Variants in WDR41 observed in about 807,000 individuals in gnomAD.
WDR41 encodes the protein WD repeat-containing protein 41.
In WDR41, 63 loss-of-function variants were observed where a neutral mutation model predicts 69.3. The ratio of observed to expected loss-of-function variants is 0.91; its 90% CI spans 0.74 to 1.12. The LOEUF (loss-of-function observed/expected upper bound fraction) is 1.12, where lower values mean the gene tolerates loss of function less well. WDR41 is among the 50% of genes most tolerant of loss of function. WDR41 has a pLI of 0.00. For synonymous variants in WDR41, 185 were observed against 192.1 expected (o/e 0.96, Z 0.31); for missense variants, 543 against 534.5 (o/e 1.02, Z -0.16).
intron 1 of WDR41, among the ~76,000 whole-genome samples, chr5:77,526,312 T>C (rs1802446170): frequency 6.9e-6 from 1 of 144,672 alleles, no homozygotes; most frequent in Admixed American, 6.9e-5. Flanking sequence ...AAATAAGGAC[T>C]TTTTTTTTTT....
chr5:77,524,877 G>A (rs1802423565), intron 1 of WDR41, among the ~76,000 whole-genome samples: 1 of 152,170 alleles, frequency 6.6e-6, no homozygotes, highest in Admixed American at 6.5e-5. Context: ...AGGCTTTTGT[G>A]TTCATTGAAC....
chr5:77,595,916 T>C (rs962202850), intron 1 of WDR41, among the ~76,000 whole-genome samples: 13 of 152,224 alleles, frequency 8.5e-5, no homozygotes, highest in African/African-American at 2.9e-4. Flanking sequence ...TTTCTTTAAA[T>C]GCCAGTGGTC....
intron 1 of WDR41, among the ~76,000 whole-genome samples, chr5:77,543,998 T>G (rs1348731231): frequency 2.0e-5 from 3 of 152,142 alleles, no homozygotes; most frequent in African/African-American, 7.2e-5. Context: ...TAGGGCCCTA[T>G]CTTCAGCCTC....
intron 1 of WDR41, among the ~76,000 whole-genome samples, chr5:77,511,915 C>G (rs909823433): frequency 1.3e-5 from 2 of 151,902 alleles, no homozygotes; most frequent in Admixed American, 6.6e-5. Flanking sequence ...AAGACACTTC[C>G]TAAATCAGTA....
chr5:77,554,074 G>A (rs1743344602), intron 1 of WDR41, among the ~76,000 whole-genome samples: 1 of 152,184 alleles, frequency 6.6e-6, no homozygotes. Flanking sequence ...GCACAACATG[G>A]AATTCTACTA....
chr5:77,615,397 C>T (rs115482200), intron 1 of WDR41, among the ~76,000 whole-genome samples: 4,045 of 151,996 alleles, frequency 0.027, 186 homozygotes, highest in African/African-American at 0.093. Flanking sequence ...TAATATACTA[C>T]AACAGATTTT....
intron 2 of WDR41, among the ~76,000 whole-genome samples, chr5:77,467,351 G>A (rs1800351585): frequency 6.6e-6 from 1 of 151,944 alleles, no homozygotes; most frequent in Non-Finnish European, 1.5e-5. Flanking sequence ...TTCCGTGCTA[G>A]GAGTTAGGGA....
At position 77,449,783 on chromosome 5, in the gene WDR41, A is replaced by G; in HGVS notation, c.674T>C (p.Ile225Thr). 1 of 1,612,028 alleles carries G rather than the reference A, an allele frequency of 6.2e-7. No homozygotes were observed. The highest frequency in any genetic ancestry group is 1.1e-5 in the South Asian group (1 of 91,018). The change falls in exon 8 of 13, where the codon ATT becomes ACT. Residue 225 changes from isoleucine to threonine, a missense_variant. Physicochemically the swap from Ile to Thr is moderately conservative, Grantham distance 89. Transcript: ENST00000296679. ...ACCATTGACATTAATCAATGAGAGA[A>G]TATTATCCTGGTGATCAAGGAGGCG... ...VKRLLDHQDN[I>T]LSLINVNDLS...
chr5:77,457,680 A>T (rs2151314431), intron 5 of WDR41, among the ~76,000 whole-genome samples: 1 of 147,056 alleles, frequency 6.8e-6, no homozygotes, highest in Non-Finnish European at 1.5e-5. Flanking sequence ...GCTAACATCA[A>T]CCCTTATAAA....
intron 9 of WDR41, among the ~76,000 whole-genome samples, chr5:77,438,670 G>A (rs1799039902): frequency 6.6e-6 from 1 of 152,180 alleles, no homozygotes; most frequent in Non-Finnish European, 1.5e-5. Flanking sequence ...GCCTGGCCCT[G>A]CAGTGGAAGC....
In WDR41 at chr5:77,492,274, C is replaced by T. The variant is rs1023496184; in HGVS notation, c.-54G>A. ...CAGCCCCAGTCAGCCCAAACTCCGCCCCAGGCTCGGCCTCCTCCTTCCTCC... is the reference window on the plus strand; with the variant it reads ...CAGCCCCAGTCAGCCCAAACTCCGCTCCAGGCTCGGCCTCCTCCTTCCTCC... On this transcript the variant is annotated 5_prime_UTR_variant, in exon 1 of 13. Transcript: ENST00000296679. 6.2e-7 allele frequency: 1 copy of T among 1,605,694 alleles called. No homozygotes were observed. Among genetic ancestry groups the T allele is most frequent in the Non-Finnish European group, 8.5e-7 (1 of 1,176,614 alleles).
In WDR41 at chr5:77,464,323, G is replaced by C. The variant is rs147869946; in HGVS notation, c.216+438C>G. On this transcript the variant is annotated intron_variant, in intron 3 of 12. Transcript: ENST00000296679. ...GAGACAGTCTTGCTGTGTCACCCAGGCTGGAGTGCAGTGGCATGTTCTCGG... is the reference window on the plus strand; with the variant it reads ...GAGACAGTCTTGCTGTGTCACCCAGCCTGGAGTGCAGTGGCATGTTCTCGG... Among the ~76,000 whole-genome samples, 430 of 129,878 alleles carry C rather than the reference G, an allele frequency of 3.3e-3. 4 individuals carry two copies. The highest frequency in any genetic ancestry group is 0.012 in the African/African-American group (403 of 34,346). 85.2% of individuals were successfully genotyped at this position (129,878 alleles called of 152,430 possible). A position where few individuals can be genotyped will look rare whatever the true frequency, so the allele number is the denominator to read the frequency against.
intron 1 of WDR41, among the ~76,000 whole-genome samples, chr5:77,523,756 A>G (rs1229611281): frequency 3.1e-4 from 47 of 152,234 alleles, no homozygotes; most frequent in Admixed American, 2.9e-3. Context: ...AAGTGACTAT[A>G]AAGAATAAAT....
intron 2 of WDR41, among the ~76,000 whole-genome samples, chr5:77,470,976 C>T (rs533521894): frequency 6.6e-6 from 1 of 152,266 alleles, no homozygotes; most frequent in Admixed American, 6.5e-5. Flanking sequence ...AATATACATT[C>T]TTCTCAGCAT....
At chr5:77,609,935 G>C (rs1366291765) in intron 1 of WDR41, among the ~76,000 whole-genome samples, 1 of 152,128 alleles carries the variant, frequency 6.6e-6, no homozygotes, top group Non-Finnish European at 1.5e-5. Context: ...TGTATAACTA[G>C]AATAACCAAT....
chr5:77,515,797 G>T (rs1385546861), intron 1 of WDR41, among the ~76,000 whole-genome samples: 1 of 152,124 alleles, frequency 6.6e-6, no homozygotes, highest in East Asian at 1.9e-4. Flanking sequence ...TATTTATTGA[G>T]ATGCCATTGT....
chr5:77,509,632 T>C (rs755101022), intron 1 of WDR41, among the ~76,000 whole-genome samples: 17 of 152,182 alleles, frequency 1.1e-4, no homozygotes, highest in Non-Finnish European at 2.1e-4. Flanking sequence ...CATATGAAAG[T>C]CCAGAATAGG....
At chr5:77,453,377 C>A (rs1374495637) in intron 6 of WDR41, among the ~76,000 whole-genome samples, 1 of 151,918 alleles carries the variant, frequency 6.6e-6, no homozygotes, top group Non-Finnish European at 1.5e-5. Flanking sequence ...CTGTTGAAAC[C>A]AAAATCGTAT....
intron 2 of WDR41, among the ~76,000 whole-genome samples, chr5:77,478,930 C>T (rs71632926): frequency 0.57 from 86,187 of 150,712 alleles, 26,677 homozygotes; most frequent in African/African-American, 0.81. Flanking sequence ...GAAAACCCCA[C>T]TGTCTCAGCC....
Sources: gnomAD v4.1 joint callset for allele counts (sites outside exome capture counted in the v4.1 genomes callset) on GRCh38, gnomAD v4.1.1 for gene constraint, MANE v1.5 for transcripts, NCBI Gene and HGNC (gene_info 2026-07-23, HGNC 2026-07-21) for gene names.